The following DACH2 variants were observed in gnomAD, a reference collection of about 807,000 sequenced individuals.
DACH2 encodes dachshund homolog 2.
DACH2 carries 17 observed loss-of-function variants against 35.8 expected under a neutral mutation model. That is an observed-to-expected ratio of 0.48 (90% CI 0.33 to 0.71). The LOEUF (loss-of-function observed/expected upper bound fraction) is 0.71. Among genes scored for constraint, DACH2 ranks in the 30% least tolerant of loss-of-function variants. The pLI is 0.02. For synonymous variants in DACH2, 195 were observed against 177.3 expected (o/e 1.10, Z -0.79); for missense variants, 469 against 472.7 (o/e 0.99, Z 0.07).
At chrX:86,394,776 G>A (rs1022297828) in intron 2 of DACH2, among the ~76,000 whole-genome samples, 5 of 111,108 alleles carry the variant, frequency 4.5e-5, no homozygotes, top group Admixed American at 9.6e-5. Flanking sequence ...ACATCATGTC[G>A]GTAAAGTGTT....
At chrX:86,665,319 A>G (rs2040654574) in intron 4 of DACH2, among the ~76,000 whole-genome samples, 1 of 112,108 alleles carries the variant, frequency 8.9e-6, no homozygotes, top group Non-Finnish European at 1.9e-5. Context: ...AATTACCCCT[A>G]TGAGGCAAGT....
chrX:86,714,498 A>G (rs2041313243), intron 5 of DACH2, 50 bp from the exon 6 acceptor site: 3 of 1,041,256 alleles, frequency 2.9e-6, no homozygotes, highest in Non-Finnish European at 3.9e-6. Flanking sequence ...TTAACAAACT[A>G]TTTCAGATAA....
At chrX:86,566,057 A>G (rs1335339991) in intron 3 of DACH2, among the ~76,000 whole-genome samples, 1 of 112,121 alleles carries the variant, frequency 8.9e-6, no homozygotes, top group Non-Finnish European at 1.9e-5. Flanking sequence ...ATGCAATAGC[A>G]TATGTTGTAT....
At chrX:86,155,940 G>T (rs1225392461) in intron 1 of DACH2, among the ~76,000 whole-genome samples, 1 of 110,820 alleles carries the variant, frequency 9.0e-6, no homozygotes, top group East Asian at 2.8e-4. Flanking sequence ...TTAAAGAAAA[G>T]TTGAAAATGA....
chrX:86,320,052 G>A (rs1437676124), intron 1 of DACH2, among the ~76,000 whole-genome samples: 2 of 111,543 alleles, frequency 1.8e-5, no homozygotes, highest in African/African-American at 6.5e-5. Flanking sequence ...AATTCCAGGA[G>A]TTCCATGAGG....
chrX:86,770,310 G>GA (rs1331085851), intron 7 of DACH2, among the ~76,000 whole-genome samples: 1 of 111,502 alleles, frequency 9.0e-6, no homozygotes, highest in African/African-American at 3.3e-5. Flanking sequence ...TCAATGTGTT[G>GA]AAGGATACTT....
chrX:86,246,125 A>T (rs1322872135), intron 1 of DACH2, among the ~76,000 whole-genome samples: 1 of 111,865 alleles, frequency 8.9e-6, no homozygotes, highest in Non-Finnish European at 1.9e-5. Context: ...TAAAGAAAAA[A>T]GAATAAAATG....
intron 1 of DACH2, among the ~76,000 whole-genome samples, chrX:86,332,232 T>G (rs1195956636): frequency 9.0e-6 from 1 of 111,670 alleles, no homozygotes; most frequent in African/African-American, 3.2e-5. Flanking sequence ...CACTTTATTT[T>G]GTAACAAACA....
intron 2 of DACH2, among the ~76,000 whole-genome samples, chrX:86,456,730 A>G (rs753019430): frequency 9.4e-6 from 1 of 106,621 alleles, no homozygotes; most frequent in African/African-American, 3.4e-5. Context: ...AAACTTCTTT[A>G]TTTTTTTGTT....
intron 2 of DACH2, among the ~76,000 whole-genome samples, chrX:86,449,565 T>C (rs955082786): frequency 2.1e-4 from 23 of 111,761 alleles, no homozygotes; most frequent in Non-Finnish European, 4.1e-4. Flanking sequence ...GATCATTTCT[T>C]CCTTTCTTCA....
intron 3 of DACH2, among the ~76,000 whole-genome samples, chrX:86,605,931 G>A (rs894715274): frequency 9.0e-6 from 1 of 110,524 alleles, no homozygotes; most frequent in Admixed American, 9.7e-5. Context: ...TTACATCTCT[G>A]CTTAAATTCT....
At chrX:86,687,585 A>C (rs1265095504) in intron 4 of DACH2, among the ~76,000 whole-genome samples, 1 of 111,639 alleles carries the variant, frequency 9.0e-6, no homozygotes, top group Non-Finnish European at 1.9e-5. Context: ...ATAAAGACAC[A>C]TGCAAACGTA....
At chrX:86,474,282 T>G (rs1410591210) in intron 2 of DACH2, among the ~76,000 whole-genome samples, 2 of 111,839 alleles carry the variant, frequency 1.8e-5, no homozygotes, top group Non-Finnish European at 3.8e-5. Flanking sequence ...ATCAGATGGG[T>G]AGTTTGCAAA....
intron 1 of DACH2, chrX:86,345,564 A>T (rs1042237311): frequency 1.2e-4 from 22 of 178,654 alleles, no homozygotes; most frequent in Non-Finnish European, 9.5e-5. Flanking sequence ...AATGAAACAT[A>T]TTTTGAATCA....
At chrX:86,286,175 C>T (rs1331986720) in intron 1 of DACH2, among the ~76,000 whole-genome samples, 3 of 78,999 alleles carry the variant, frequency 3.8e-5, no homozygotes, top group African/African-American at 1.5e-4. Flanking sequence ...GGCCGGACTG[C>T]GGACTGCAGT....
chrX:86,443,504 A>AT (rs112649268), intron 2 of DACH2, among the ~76,000 whole-genome samples: 2,266 of 99,270 alleles, frequency 0.023, 25 homozygotes, highest in Non-Finnish European at 0.032. Context: ...ATTTGAATGA[A>AT]TTTTTTTTTT....
chrX:86,620,643 G>A (rs2040058852), intron 3 of DACH2, among the ~76,000 whole-genome samples: 1 of 111,128 alleles, frequency 9.0e-6, no homozygotes, highest in Non-Finnish European at 1.9e-5. Flanking sequence ...TTATTCCAGA[G>A]AACAGTAACA....
chrX:86,809,263 C>A (rs1459546236), intron 7 of DACH2, among the ~76,000 whole-genome samples: 2 of 111,268 alleles, frequency 1.8e-5, no homozygotes, highest in African/African-American at 6.5e-5. Context: ...AAATCAAAAT[C>A]CTTTTTCCTG....
At chrX:86,808,371 A>G (rs1364146275) in intron 7 of DACH2, among the ~76,000 whole-genome samples, 4 of 111,869 alleles carry the variant, frequency 3.6e-5, no homozygotes, top group Non-Finnish European at 7.5e-5. Flanking sequence ...TCAGGCTGGT[A>G]CGTCTTCATT....
Sources: gnomAD v4.1 joint callset for allele counts (sites outside exome capture counted in the v4.1 genomes callset) on GRCh38, gnomAD v4.1.1 for gene constraint, MANE v1.5 for transcripts, NCBI Gene and HGNC (gene_info 2026-07-23, HGNC 2026-07-21) for gene names.